The following WDTC1 variants were observed in gnomAD, a reference collection of about 807,000 sequenced individuals.
WDTC1 encodes the protein WD and tetratricopeptide repeats 1.
A neutral mutation model predicts 76.0 loss-of-function variants in WDTC1; 12 were observed. The ratio of observed to expected loss-of-function variants is 0.16; its 90% confidence interval spans 0.10 to 0.26. The LOEUF is 0.26. Ranked by LOEUF, WDTC1 falls within the 10% of genes least tolerant of loss-of-function variation. The pLI is 1.00. For missense variants in WDTC1, 511 were observed against 908.8 expected, an observed-to-expected ratio of 0.56 and a Z score of 5.63; for synonymous variants, 326 against 350.8, an observed-to-expected ratio of 0.93 and a Z score of 0.79.
At chr1:27,250,350 A>G (rs1182608139) in intron 1 of WDTC1, among the ~76,000 whole-genome samples, 1 of 151,948 alleles carries the variant, frequency 6.6e-6, no homozygotes, top group Non-Finnish European at 1.5e-5. Flanking sequence ...GGGTTTTGCC[A>G]TGTTGACCAG....
intron 1 of WDTC1, among the ~76,000 whole-genome samples, chr1:27,247,435 C>G (rs1303182994): frequency 6.6e-6 from 1 of 152,104 alleles, no homozygotes; most frequent in Non-Finnish European, 1.5e-5. Context: ...AGGTACTAAG[C>G]CTAGTACTCA....
chr1:27,276,821 T>C (rs745427160), intron 3 of WDTC1, among the ~76,000 whole-genome samples: 1 of 152,112 alleles, frequency 6.6e-6, no homozygotes, highest in Non-Finnish European at 1.5e-5. Context: ...CATGTTTTCA[T>C]GTGCTTGTTG....
At position 27,301,471 on chromosome 1, in the gene WDTC1, C is replaced by T. The variant is rs1179262590; in HGVS notation, c.1468+10C>T. On this transcript the variant is annotated intron_variant, in intron 13 of 15. Coordinates refer to ENST00000319394, the MANE Select transcript of WDTC1 (RefSeq NM_001276252.2). This position sits in a 1 kb window ranked among gnomAD's most constrained non-coding sequence, Gnocchi z 5.8. Reference sequence around the variant, plus strand: ...TCTAAAAATGATGGTGGTGAGTGGGCACTGAGGAGGGGGTGCTGTTACTCT... The same window carrying T: ...TCTAAAAATGATGGTGGTGAGTGGGTACTGAGGAGGGGGTGCTGTTACTCT... 2 of 1,609,738 alleles carry T rather than the reference C, an allele frequency of 1.2e-6. No individual in the cohort carries two copies. Among genetic ancestry groups the T allele is most frequent in the African/African-American group, 1.3e-5 (1 of 74,852 alleles).
At chr1:27,239,827 C>A (rs976326759) in intron 1 of WDTC1, among the ~76,000 whole-genome samples, 2,584 of 144,576 alleles carry the variant, frequency 0.018, 34 homozygotes, top group Non-Finnish European at 0.025. Context: ...AAAAAAAAAA[C>A]CAAAAAAACC....
intron 6 of WDTC1, among the ~76,000 whole-genome samples, chr1:27,290,620 C>A (rs1313115611): frequency 6.6e-6 from 1 of 152,168 alleles, no homozygotes; most frequent in Admixed American, 6.5e-5. Context: ...GTCCCCTTTT[C>A]CAGTGCCCTG....
chr1:27,290,230 C>T (rs941731404), intron 6 of WDTC1, among the ~76,000 whole-genome samples: 6 of 152,070 alleles, frequency 3.9e-5, no homozygotes, highest in Non-Finnish European at 7.4e-5. Flanking sequence ...TACAGACACG[C>T]TCCACCATGC....
At chr1:27,249,375 A>G (rs990245679) in intron 1 of WDTC1, among the ~76,000 whole-genome samples, 24 of 151,578 alleles carry the variant, frequency 1.6e-4, no homozygotes, top group African/African-American at 5.3e-4. Flanking sequence ...ATTTTGTTCT[A>G]TTTTATATAA....
chr1:27,257,181 G>A (rs2012311331), intron 1 of WDTC1, among the ~76,000 whole-genome samples: 1 of 152,094 alleles, frequency 6.6e-6, no homozygotes, highest in African/African-American at 2.4e-5. Flanking sequence ...ATATTTCTTA[G>A]TAAATAAAAA....
At chr1:27,251,125 A>AGGTG (rs1159374067) in intron 1 of WDTC1, among the ~76,000 whole-genome samples, 1 of 136,196 alleles carries the variant, frequency 7.3e-6, no homozygotes, top group African/African-American at 2.7e-5. Flanking sequence ...TCCTGACCAC[A>AGGTG]GGTGATCTGC....
chr1:27,285,900 C>T (rs1307995001), intron 5 of WDTC1, among the ~76,000 whole-genome samples: 1 of 149,946 alleles, frequency 6.7e-6, no homozygotes, highest in Non-Finnish European at 1.5e-5. Flanking sequence ...GAACTGCATA[C>T]TTTCTTTTTT....
chr1:27,306,785 A>T lies in WDTC1; in HGVS notation c.*402A>T, dbSNP rs565711657. 10 of 220,628 alleles carry T rather than the reference A, an allele frequency of 4.5e-5. No individual in the cohort carries two copies. The highest frequency in any genetic ancestry group is 2.0e-4 in the African/African-American group (9 of 43,930). The allele number at this position is 220,628 out of a possible 1,614,324, so 13.7% of individuals were successfully genotyped here. A position where few individuals can be genotyped will look rare whatever the true frequency, so the allele number is the denominator to read the frequency against. On this transcript the variant is annotated 3_prime_UTR_variant, in exon 16 of 16. Coordinates refer to ENST00000319394, the MANE Select transcript of WDTC1 (RefSeq NM_001276252.2). This position sits in a 1 kb window ranked among gnomAD's most constrained non-coding sequence, Gnocchi z 5.0. The stretch of plus-strand genomic sequence containing the variant: ...AGGAGGAGTGGGATTCCCAATTGGT[A>T]AGGGCTCGCCTTGGCCTGTTGCCAC...
intron 1 of WDTC1, among the ~76,000 whole-genome samples, chr1:27,244,465 C>T (rs1570936620): frequency 6.6e-6 from 1 of 152,284 alleles, no homozygotes; most frequent in Middle Eastern, 3.4e-3. Flanking sequence ...CCTCAGCCTT[C>T]CTAGTAGCTA....
At chr1:27,254,572 G>A (rs1373303382) in intron 1 of WDTC1, among the ~76,000 whole-genome samples, 1 of 151,976 alleles carries the variant, frequency 6.6e-6, no homozygotes, top group Non-Finnish European at 1.5e-5. Context: ...TCCAGCCTGG[G>A]TGACAGAGTG....
At position 27,306,630 on chromosome 1, in the gene WDTC1, G is replaced by GC. The variant is rs3841357; in HGVS notation, c.*256dup. ...AGCAGGAGGGGACACCCCTCCATAT[G>GC]CCCCCCCCCATCTCCTGCTTTCATG... On this transcript the variant is annotated 3_prime_UTR_variant, in exon 16 of 16. Coordinates refer to ENST00000319394, the MANE Select transcript of WDTC1 (RefSeq NM_001276252.2). The surrounding 1 kb of genome is among the most constrained non-coding windows in gnomAD (Gnocchi z 5.0). 0.025 allele frequency: 13,409 copies of GC among 531,684 alleles called. 128 individuals are homozygous for GC. The highest frequency in any genetic ancestry group is 0.03 in the Admixed American group (916 of 30,502). The allele number at this position is 531,684 out of a possible 1,614,324, so 32.9% of individuals were successfully genotyped here.
chr1:27,265,762 A>G (rs1480137865), intron 3 of WDTC1, among the ~76,000 whole-genome samples: 3 of 152,110 alleles, frequency 2.0e-5, no homozygotes, highest in Non-Finnish European at 2.9e-5. Flanking sequence ...CCTGACCAAC[A>G]TGGAGAAAGC....
At chr1:27,253,202 G>T (rs1234240885) in intron 1 of WDTC1, among the ~76,000 whole-genome samples, 1 of 151,798 alleles carries the variant, frequency 6.6e-6, no homozygotes, top group Non-Finnish European at 1.5e-5. Context: ...TAGAGACAGG[G>T]TTTCACTGTG....
Position 27,292,293 on chromosome 1 carries a change from G to A in WDTC1, c.558G>A (p.Glu186=). Residue 186 remains glutamate (E), a synonymous_variant, in exon 7 of 16, where the codon GAG becomes GAA. Coordinates refer to ENST00000319394, the MANE Select transcript of WDTC1 (RefSeq NM_001276252.2). ...DLTEYCGQLV[E]AKCLTVNPQD... ...CAGAGTACTGTGGCCAGCTGGTGGA[G>A]GCCAAGTGCCTCACTGTCAACCCCC... The A allele has an allele frequency of 6.2e-7, 1 of 1,613,278 alleles. No homozygotes were observed. The highest frequency in any genetic ancestry group is 2.2e-5 in the East Asian group (1 of 44,806).
chr1:27,290,907 T>C (rs1028326666), intron 6 of WDTC1, among the ~76,000 whole-genome samples: 2 of 152,252 alleles, frequency 1.3e-5, no homozygotes, highest in African/African-American at 4.8e-5. Context: ...AGTATTTGAC[T>C]GGGGTAAGTC....
At chr1:27,242,926 T>C (rs530522966) in intron 1 of WDTC1, among the ~76,000 whole-genome samples, 7 of 152,296 alleles carry the variant, frequency 4.6e-5, no homozygotes, top group African/African-American at 1.7e-4. Context: ...CTACATGGGA[T>C]TATTTAAGCC....
Sources: gnomAD v4.1 joint callset for allele counts (sites outside exome capture counted in the v4.1 genomes callset) on GRCh38, gnomAD v4.1.1 for gene constraint, Gnocchi (gnomAD v3.1) non-coding constraint, MANE v1.5 for transcripts, NCBI Gene and HGNC (gene_info 2026-07-23, HGNC 2026-07-21) for gene names.